The following ST8SIA1 variants were observed in gnomAD, a reference collection of about 807,000 sequenced individuals.
ST8SIA1 encodes alpha-N-acetylneuraminide alpha-2,8-sialyltransferase.
In ST8SIA1, 16 loss-of-function variants were observed where a neutral mutation model predicts 35.9. The observed-to-expected ratio is 0.45, with a 90% confidence interval of 0.30 to 0.68. The LOEUF is 0.68. Ranked by LOEUF, ST8SIA1 falls within the 30% of genes least tolerant of loss-of-function variation. The pLI, the probability that ST8SIA1 is intolerant of heterozygous loss-of-function variation, is 0.09. For synonymous variants in ST8SIA1, 170 were observed against 169.6 expected (o/e 1.00, Z -0.02); for missense variants, 383 against 453.6 (o/e 0.84, Z 1.41).
rs74909986 is a variant in ST8SIA1 at position 22,221,622 on chromosome 12, A to G, written c.585-19584T>C. Among the ~76,000 whole-genome samples the G allele has an allele frequency of 1.0e-3, 156 of 152,312 alleles. 1 individual carries two copies. In the East Asian group the frequency reaches 0.028, roughly 27 times the overall value. On this transcript the variant is annotated intron_variant, in intron 4 of 4. Transcript: ENST00000396037. Reference sequence around the variant, plus strand: ...AAATCATGTGCTGCAAACAGCCCCAAACAAACCACAGTAGACTGCAAAACA... The same window carrying G: ...AAATCATGTGCTGCAAACAGCCCCAGACAAACCACAGTAGACTGCAAAACA...
chr12:22,333,901 G>T, intron 1 of ST8SIA1, 96 bp downstream of exon 1: 2 of 1,059,990 alleles, frequency 1.9e-6, no homozygotes, highest in Non-Finnish European at 2.9e-6. Context: ...GGATGCCTCT[G>T]CGAGACGGTG....
chr12:22,297,891 A>G (rs1866266753), intron 1 of ST8SIA1, among the ~76,000 whole-genome samples: 1 of 152,106 alleles, frequency 6.6e-6, no homozygotes, highest in African/African-American at 2.4e-5. Context: ...GGGGCTGATC[A>G]TTTAAAAGGC....
At chr12:22,321,388 C>A (rs1362834979) in intron 1 of ST8SIA1, among the ~76,000 whole-genome samples, 1 of 152,190 alleles carries the variant, frequency 6.6e-6, no homozygotes, top group African/African-American at 2.4e-5. Flanking sequence ...GCAGCCACCC[C>A]CAACAGAGAA....
At chr12:22,220,232 T>C (rs1422288742) in intron 4 of ST8SIA1, among the ~76,000 whole-genome samples, 1 of 152,164 alleles carries the variant, frequency 6.6e-6, no homozygotes, top group African/African-American at 2.4e-5. Flanking sequence ...AATACTACAG[T>C]GAGTGAATAG....
At chr12:22,321,015 AAAG>A (rs1866591175) in intron 1 of ST8SIA1, among the ~76,000 whole-genome samples, 3 of 103,424 alleles carry the variant, frequency 2.9e-5, no homozygotes, top group Non-Finnish European at 6.0e-5. Flanking sequence ...AGAAAGAAAG[AAAG>A]AAAGAAAGAA....
Position 22,201,235 on chromosome 12 carries a change from C to A in ST8SIA1, c.*317G>T. ...TTCTACCTTGATTGGTTCCTCAGCCCTAACAACTCGAGTCTGTCTTGTTTT... is the reference window on the plus strand; with the variant it reads ...TTCTACCTTGATTGGTTCCTCAGCCATAACAACTCGAGTCTGTCTTGTTTT... On this transcript the variant is annotated 3_prime_UTR_variant, in exon 5 of 5. Transcript: ENST00000396037. 1 of 243,718 alleles carries A rather than the reference C, an allele frequency of 4.1e-6. No individual in the cohort carries two copies. 15.1% of individuals were successfully genotyped at this position (243,718 alleles called of 1,614,324 possible). A position where few individuals can be genotyped will look rare whatever the true frequency, so the allele number is the denominator to read the frequency against.
intron 1 of ST8SIA1, among the ~76,000 whole-genome samples, chr12:22,295,868 C>T (rs1339614202): frequency 6.6e-6 from 1 of 152,216 alleles, no homozygotes; most frequent in African/African-American, 2.4e-5. Context: ...GTACAGAATT[C>T]TCTTGGCTAT....
At chr12:22,308,050 T>C (rs1339225388) in intron 1 of ST8SIA1, among the ~76,000 whole-genome samples, 1 of 152,188 alleles carries the variant, frequency 6.6e-6, no homozygotes, top group Non-Finnish European at 1.5e-5. Context: ...CTCAGCCTCC[T>C]GAGTAACTGG....
chr12:22,293,938 C>T (rs1052716744), intron 1 of ST8SIA1, among the ~76,000 whole-genome samples: 8 of 152,192 alleles, frequency 5.3e-5, no homozygotes, highest in Middle Eastern at 3.4e-3. Context: ...AAAAACTAAG[C>T]GGCAGATTTC....
rs538382642 is a variant in ST8SIA1 at position 22,248,044 on chromosome 12, A to G, written c.584+962T>C. Among the ~76,000 whole-genome samples the G allele has an allele frequency of 2.2e-3, 342 of 152,318 alleles. 2 individuals are homozygous for G. The highest frequency in any genetic ancestry group is 4.0e-3 in the Non-Finnish European group (269 of 68,030). On this transcript the variant is annotated intron_variant, in intron 4 of 4. Transcript: ENST00000396037. ...ATATGGGTAACAAGCAGTCTTATCC[A>G]TTATTGAAGATAAATGGTACATTTG...
chr12:22,264,039 C>A (rs964774205), intron 2 of ST8SIA1, among the ~76,000 whole-genome samples: 3 of 152,056 alleles, frequency 2.0e-5, no homozygotes, highest in Admixed American at 2.0e-4. Context: ...TTTCTATATA[C>A]CCTCACCCAC....
intron 1 of ST8SIA1, among the ~76,000 whole-genome samples, chr12:22,323,129 A>G (rs1866624525): frequency 1.3e-5 from 2 of 152,236 alleles, no homozygotes; most frequent in Admixed American, 6.5e-5. Context: ...TGCACTACAT[A>G]AATTCCTCAT....
At chr12:22,299,324 TA>T (rs1866288703) in intron 1 of ST8SIA1, among the ~76,000 whole-genome samples, 2 of 152,058 alleles carry the variant, frequency 1.3e-5, no homozygotes, top group Non-Finnish European at 2.9e-5. Flanking sequence ...AAGACAGATG[TA>T]AAGAAAGTTA....
intron 4 of ST8SIA1, among the ~76,000 whole-genome samples, chr12:22,233,312 A>G (rs1865439215): frequency 6.6e-6 from 1 of 152,216 alleles, no homozygotes; most frequent in African/African-American, 2.4e-5. Flanking sequence ...CAAAGTAGAA[A>G]TAAAATCCCA....
chr12:22,241,793 G>C (rs1443191787), intron 4 of ST8SIA1, among the ~76,000 whole-genome samples: 1 of 152,008 alleles, frequency 6.6e-6, no homozygotes, highest in Non-Finnish European at 1.5e-5. Flanking sequence ...TTCAGGGTTT[G>C]AGGCCATCTC....
At chr12:22,212,757 C>A (rs1865188523) in intron 4 of ST8SIA1, among the ~76,000 whole-genome samples, 2 of 152,170 alleles carry the variant, frequency 1.3e-5, no homozygotes, top group Non-Finnish European at 2.9e-5. Flanking sequence ...TAGTCCCTTT[C>A]CCAAACTGAT....
At chr12:22,329,458 T>C (rs1209799673) in intron 1 of ST8SIA1, among the ~76,000 whole-genome samples, 1 of 152,248 alleles carries the variant, frequency 6.6e-6, no homozygotes, top group East Asian at 1.9e-4. Flanking sequence ...GATGAGATTT[T>C]TTTCCACATT....
intron 1 of ST8SIA1, chr12:22,324,398 T>C (rs1591858485): frequency 6.6e-6 from 1 of 152,320 alleles, no homozygotes; most frequent in Non-Finnish European, 1.5e-5. Context: ...CACATCTTTA[T>C]TCATAAAAGT....
At chr12:22,215,169 T>C (rs1282183730) in intron 4 of ST8SIA1, among the ~76,000 whole-genome samples, 2 of 152,132 alleles carry the variant, frequency 1.3e-5, no homozygotes, top group Admixed American at 6.6e-5. Flanking sequence ...AAAACTAACA[T>C]AACAAACAAA....
Sources: allele counts gnomAD v4.1 joint callset (sites outside exome capture counted in the v4.1 genomes callset), GRCh38; gene constraint gnomAD v4.1.1; transcripts MANE v1.5; gene names NCBI Gene and HGNC (gene_info 2026-07-23, HGNC 2026-07-21).